The following CIRSR variants were observed in gnomAD, a reference collection of about 807,000 sequenced individuals.
CIRSR encodes the protein corepressor of RBPJ and splicing regulator, also known as CBF1 (RBPJ) interacting corepressor 1.
chr2:174,348,475 G>A, the CIRSR span: 21 of 1,578,102 alleles, frequency 1.3e-5, no homozygotes, highest in South Asian at 2.5e-4. Flanking sequence ...GTCACATACA[G>A]TCTTTCTTCT....
the CIRSR span, among the ~76,000 whole-genome samples, chr2:174,385,751 TA>T: frequency 6.6e-6 from 1 of 152,128 alleles, no homozygotes; most frequent in African/African-American, 2.4e-5. Flanking sequence ...TATTATATTA[TA>T]ATCCAAAGAA....
the CIRSR span, among the ~76,000 whole-genome samples, chr2:174,385,856 G>T: frequency 6.6e-6 from 1 of 152,224 alleles, no homozygotes; most frequent in Middle Eastern, 3.4e-3. Context: ...ATTAATAAAT[G>T]TAGAGGGAAT....
the CIRSR span, among the ~76,000 whole-genome samples, chr2:174,367,781 TAAA>T: frequency 2.5e-5 from 2 of 79,622 alleles, no homozygotes. Context: ...TTTGAGTAGA[TAAA>T]AAAAAAAAAA....
the CIRSR span, among the ~76,000 whole-genome samples, chr2:174,366,954 T>C: frequency 6.6e-6 from 1 of 152,078 alleles, no homozygotes. Flanking sequence ...ATTTTTAGAG[T>C]ATAATTAATA....
At chr2:174,391,383 A>C in the CIRSR span, among the ~76,000 whole-genome samples, 1 of 152,184 alleles carries the variant, frequency 6.6e-6, no homozygotes, top group African/African-American at 2.4e-5. Context: ...TTAAGTCAGG[A>C]GTCTGAGACC....
chr2:174,364,060 T>C, the CIRSR span, among the ~76,000 whole-genome samples: 2 of 152,204 alleles, frequency 1.3e-5, no homozygotes, highest in African/African-American at 4.8e-5. Flanking sequence ...TATGAGCCTC[T>C]AAAATCAAAA....
chr2:174,365,199 GTC>G, the CIRSR span, among the ~76,000 whole-genome samples: 1 of 152,190 alleles, frequency 6.6e-6, no homozygotes, highest in Non-Finnish European at 1.5e-5. Context: ...AATGCTGCCA[GTC>G]TCTTTGCTAA....
the CIRSR span, among the ~76,000 whole-genome samples, chr2:174,357,611 C>G: frequency 6.6e-6 from 1 of 152,140 alleles, no homozygotes; most frequent in Non-Finnish European, 1.5e-5. Context: ...AGCGAATAAG[C>G]CAGTCCCTGT....
the CIRSR span, among the ~76,000 whole-genome samples, chr2:174,377,226 T>C: frequency 4.6e-5 from 7 of 152,046 alleles, no homozygotes; most frequent in Non-Finnish European, 1.0e-4. Flanking sequence ...TAACAACAAA[T>C]CCCTGTGACT....
the CIRSR span, among the ~76,000 whole-genome samples, chr2:174,353,743 G>T: frequency 6.6e-6 from 1 of 152,172 alleles, no homozygotes; most frequent in Admixed American, 6.5e-5. Context: ...TGGGATTACA[G>T]CCGTGAGCCA....
the CIRSR span, chr2:174,395,418 A>G: frequency 1.2e-6 from 1 of 845,420 alleles, no homozygotes; most frequent in African/African-American, 1.7e-5. Flanking sequence ...GAAAGGCGAG[A>G]CCACCAGGGC....
At chr2:174,373,431 C>T in the CIRSR span, among the ~76,000 whole-genome samples, 3 of 152,048 alleles carry the variant, frequency 2.0e-5, no homozygotes, top group African/African-American at 7.2e-5. Context: ...TACAGGAGTA[C>T]AAAGGAAAAC....
the CIRSR span, among the ~76,000 whole-genome samples, chr2:174,392,615 T>A: frequency 6.6e-6 from 1 of 152,048 alleles, no homozygotes; most frequent in South Asian, 2.1e-4. Flanking sequence ...TCAAGAGATA[T>A]TTGGAAGGTA....
chr2:174,378,842 T>C, the CIRSR span: 1 of 1,035,116 alleles, frequency 9.7e-7, no homozygotes, highest in East Asian at 2.4e-5. Flanking sequence ...AATAAAACAA[T>C]ACCCAGAAAG....
chr2:174,356,808 G>A, the CIRSR span, among the ~76,000 whole-genome samples: 258 of 152,002 alleles, frequency 1.7e-3, 4 homozygotes, highest in African/African-American at 5.8e-3. Context: ...TTCTCATTGT[G>A]TGTGTGTTTT....
At chr2:174,377,543 A>T in the CIRSR span, among the ~76,000 whole-genome samples, 1 of 152,068 alleles carries the variant, frequency 6.6e-6, no homozygotes, top group Non-Finnish European at 1.5e-5. Context: ...CTGGCCAGGC[A>T]TGGTGGCTCA....
the CIRSR span, among the ~76,000 whole-genome samples, chr2:174,349,334 C>A: frequency 6.6e-6 from 1 of 151,802 alleles, no homozygotes; most frequent in African/African-American, 2.4e-5. Context: ...TGGGAGGCCA[C>A]GGCGGGCGGA....
chr2:174,368,864 T>C, the CIRSR span, among the ~76,000 whole-genome samples: 1 of 152,230 alleles, frequency 6.6e-6, no homozygotes, highest in Non-Finnish European at 1.5e-5. Flanking sequence ...TGTAAACAGA[T>C]GTGCTGTCAT....
the CIRSR span, chr2:174,348,985 T>A: frequency 6.3e-7 from 1 of 1,589,398 alleles, no homozygotes; most frequent in East Asian, 2.2e-5. Flanking sequence ...TTCCTTTGTA[T>A]TTTTTTTTCT....
Sources: gnomAD v4.1 joint callset for allele counts (sites outside exome capture counted in the v4.1 genomes callset) on GRCh38, gnomAD v4.1.1 for gene constraint, MANE v1.5 for transcripts, NCBI Gene and HGNC (gene_info 2026-07-23, HGNC 2026-07-21) for gene names.